ZNF385B: variants seen among roughly 807,000 people sequenced by gnomAD.
The protein encoded by ZNF385B is zinc finger protein 385B.
In ZNF385B, 23 loss-of-function variants were observed where a neutral mutation model predicts 39.2. That is an observed-to-expected ratio of 0.59 (90% CI 0.42 to 0.83). The LOEUF (loss-of-function observed/expected upper bound fraction) is 0.83, where lower values mean the gene tolerates loss of function less well. ZNF385B is among the 40% of genes least tolerant of loss of function. ZNF385B has a pLI of 0.00. For synonymous variants in ZNF385B, 205 were observed against 222.6 expected (o/e 0.92, Z 0.70); for missense variants, 552 against 598.9 (o/e 0.92, Z 0.82).
intron 6 of ZNF385B, among the ~76,000 whole-genome samples, chr2:179,472,403 T>C (rs559196313): frequency 1.3e-5 from 2 of 152,348 alleles, no homozygotes; most frequent in East Asian, 3.9e-4. Context: ...ACAATGATAT[T>C]GTGCTAGGGA....
intron 3 of ZNF385B, chr2:179,562,294 C>A (rs1674139401): frequency 5.0e-6 from 4 of 794,858 alleles, no homozygotes; most frequent in Non-Finnish European, 6.1e-6. Flanking sequence ...AATTCTGATA[C>A]TTTTCTCTTT....
rs887045605 is a variant in ZNF385B, at chr2:179,684,525, T to G, written c.298+84978A>C. On this transcript the variant is annotated intron_variant, in intron 3 of 9. Coordinates refer to ENST00000410066, the MANE Select transcript of ZNF385B (RefSeq NM_152520.6). The stretch of plus-strand genomic sequence containing the variant: ...AGGAAGGCATTTCCTCTTACACATA[T>G]TAATCCATGATTGTCCATAGGCTTA... Among the ~76,000 whole-genome samples the G allele has an allele frequency of 3.3e-5, 5 of 152,252 alleles. No homozygotes were observed. In the East Asian group the frequency reaches 9.6e-4, roughly 29 times the overall value.
At chr2:179,605,470 T>C (rs561661935) in intron 3 of ZNF385B, among the ~76,000 whole-genome samples, 1 of 152,266 alleles carries the variant, frequency 6.6e-6, no homozygotes, top group South Asian at 2.1e-4. Context: ...GTTTGGAGTG[T>C]ATTTATGCAT....
In ZNF385B at chr2:179,655,400, C is replaced by T. The variant is rs1469971297; in HGVS notation, c.299-110431G>A. Among the ~76,000 whole-genome samples the T allele has an allele frequency of 3.3e-5, 5 of 151,834 alleles. No individual in the cohort carries two copies. The East Asian group carries it at 9.7e-4, about 29-fold the overall frequency. ...AAAGTTGCTCATTTATGCTATTTTG[C>T]CATAACAATGCATACAACTGAAGCA... On this transcript the variant is annotated intron_variant, in intron 3 of 9. Transcript: ENST00000410066.
chr2:179,718,823 A>G (rs1224054663), intron 3 of ZNF385B, among the ~76,000 whole-genome samples: 2 of 136,870 alleles, frequency 1.5e-5, no homozygotes, highest in African/African-American at 5.1e-5. Context: ...GAGACCCTGT[A>G]TCTATTAAAA....
chr2:179,850,342 T>C (rs1709016930), intron 1 of ZNF385B, among the ~76,000 whole-genome samples: 1 of 152,300 alleles, frequency 6.6e-6, no homozygotes, highest in East Asian at 1.9e-4. Context: ...GCTGATCCTC[T>C]CATCCATCAC....
At chr2:179,666,718 A>C (rs1263459917) in intron 3 of ZNF385B, among the ~76,000 whole-genome samples, 1 of 152,094 alleles carries the variant, frequency 6.6e-6, no homozygotes, top group African/African-American at 2.4e-5. Flanking sequence ...ATTCTGGGCC[A>C]GGCCCTGCTC....
intron 6 of ZNF385B, among the ~76,000 whole-genome samples, chr2:179,450,405 A>C (rs1289762207): frequency 6.6e-6 from 1 of 152,220 alleles, no homozygotes; most frequent in Non-Finnish European, 1.5e-5. Context: ...CAAATTTACA[A>C]AAAAACAAAC....
chr2:179,683,664 T>C (rs13005957), intron 3 of ZNF385B, among the ~76,000 whole-genome samples: 150,092 of 151,962 alleles, frequency 0.99, 74,153 homozygotes, highest in Middle Eastern at 1. Flanking sequence ...TTAGTACAGA[T>C]GGGGTTTTAC....
chr2:179,799,567 C>G (rs531619410), intron 1 of ZNF385B, among the ~76,000 whole-genome samples: 2 of 151,934 alleles, frequency 1.3e-5, no homozygotes, highest in African/African-American at 4.8e-5. Context: ...TGGAAAAACT[C>G]GTAGTCAGAA....
intron 3 of ZNF385B, among the ~76,000 whole-genome samples, chr2:179,687,802 G>A (rs1203551357): frequency 1.3e-5 from 2 of 152,188 alleles, no homozygotes; most frequent in African/African-American, 4.8e-5. Flanking sequence ...TACCTCATGG[G>A]GTTTATGTGA....
At chr2:179,623,367 C>T (rs747162370) in intron 3 of ZNF385B, among the ~76,000 whole-genome samples, 8 of 152,078 alleles carry the variant, frequency 5.3e-5, no homozygotes, top group South Asian at 2.1e-4. Flanking sequence ...AACTACACTT[C>T]TCACTATGAG....
intron 1 of ZNF385B, among the ~76,000 whole-genome samples, chr2:179,805,210 A>G (rs776057807): frequency 6.6e-6 from 1 of 152,186 alleles, no homozygotes; most frequent in Non-Finnish European, 1.5e-5. Context: ...ACCAAGGCGT[A>G]CTGGTTAAAC....
chr2:179,786,821 G>C (rs1321479915), intron 1 of ZNF385B, among the ~76,000 whole-genome samples: 1 of 151,590 alleles, frequency 6.6e-6, no homozygotes, highest in Admixed American at 6.6e-5. Context: ...AGAATTCCTA[G>C]GTGTACTTTT....
At chr2:179,807,395 C>T (rs1490326134) in intron 1 of ZNF385B, among the ~76,000 whole-genome samples, 2 of 151,060 alleles carry the variant, frequency 1.3e-5, no homozygotes, top group East Asian at 2.0e-4. Flanking sequence ...GTCAAGAGTT[C>T]GAGACCAGCC....
chr2:179,748,498 G>A (rs1327824069), intron 3 of ZNF385B, among the ~76,000 whole-genome samples: 1 of 152,032 alleles, frequency 6.6e-6, no homozygotes, highest in East Asian at 1.9e-4. Context: ...ATGTTAAACA[G>A]TGCATGTGAC....
At chr2:179,737,585 A>T (rs1312980389) in intron 3 of ZNF385B, among the ~76,000 whole-genome samples, 4 of 152,166 alleles carry the variant, frequency 2.6e-5, no homozygotes, top group Non-Finnish European at 5.9e-5. Flanking sequence ...AGAATCTAAA[A>T]ATAACAACAG....
At chr2:179,570,367 G>A (rs935604696) in intron 3 of ZNF385B, among the ~76,000 whole-genome samples, 1 of 152,114 alleles carries the variant, frequency 6.6e-6, no homozygotes, top group Non-Finnish European at 1.5e-5. Flanking sequence ...TGGGGGCTTG[G>A]GAACAAATGT....
intron 3 of ZNF385B, among the ~76,000 whole-genome samples, chr2:179,703,183 T>C (rs754692465): frequency 2.6e-5 from 4 of 152,254 alleles, no homozygotes; most frequent in Non-Finnish European, 5.9e-5. Context: ...ACTCGCCCTC[T>C]AGTTCTCTCT....
Sources: gnomAD v4.1 joint callset for allele counts (sites outside exome capture counted in the v4.1 genomes callset) on GRCh38, gnomAD v4.1.1 for gene constraint, MANE v1.5 for transcripts, NCBI Gene and HGNC (gene_info 2026-07-23, HGNC 2026-07-21) for gene names.